The following ALCAM variants were observed in gnomAD, a reference collection of about 807,000 sequenced individuals.
The protein encoded by ALCAM is CD166 antigen.
In ALCAM, 30 loss-of-function variants were observed where a neutral mutation model predicts 70.9. That is an observed-to-expected ratio of 0.42 (90% CI 0.32 to 0.57). ALCAM has a LOEUF of 0.57. Among genes scored for constraint, ALCAM ranks in the 20% least tolerant of loss-of-function variants. The pLI is 0.11. For missense variants in ALCAM, 591 were observed against 695.1 expected, an observed-to-expected ratio of 0.85 and a Z score of 1.68; for synonymous variants, 249 against 242.5, an observed-to-expected ratio of 1.03 and a Z score of -0.25.
intron 14 of ALCAM, among the ~76,000 whole-genome samples, chr3:105,568,582 A>G (rs1377623883): frequency 6.6e-6 from 1 of 152,192 alleles, no homozygotes; most frequent in Admixed American, 6.5e-5. Context: ...TCTCCCACAT[A>G]TGCTATTCAG....
intron 1 of ALCAM, among the ~76,000 whole-genome samples, chr3:105,445,913 T>A (rs1214571611): frequency 6.6e-6 from 1 of 152,124 alleles, no homozygotes; most frequent in Non-Finnish European, 1.5e-5. Flanking sequence ...ATGACATTGG[T>A]CTGGGCAAGG....
chr3:105,437,492 C>G (rs899404288), intron 1 of ALCAM, among the ~76,000 whole-genome samples: 11 of 151,926 alleles, frequency 7.2e-5, no homozygotes, highest in Non-Finnish European at 1.3e-4. Context: ...GACATTTCAT[C>G]CACAATAATT....
chr3:105,428,898 G>A lies in ALCAM; in HGVS notation c.73+61417G>A, dbSNP rs572418269. 2.6e-5 allele frequency among the ~76,000 whole-genome samples: 4 copies of A among 151,976 alleles called. No individual in the cohort carries two copies. The South Asian group carries it at 6.2e-4, about 24-fold the overall frequency. ...ATGAATCCTTAATCTTTATGCCTTAGTATCTTACAATTCTCCATTAACCTT... is the reference window on the plus strand; with the variant it reads ...ATGAATCCTTAATCTTTATGCCTTAATATCTTACAATTCTCCATTAACCTT... On this transcript the variant is annotated intron_variant, in intron 1 of 15. Transcript: ENST00000306107.
At chr3:105,488,463 G>A (rs1463276305) in intron 1 of ALCAM, among the ~76,000 whole-genome samples, 1 of 152,104 alleles carries the variant, frequency 6.6e-6, no homozygotes, top group Non-Finnish European at 1.5e-5. Flanking sequence ...AGGTGGAACT[G>A]TGAGGTACAA....
intron 1 of ALCAM, among the ~76,000 whole-genome samples, chr3:105,453,863 C>T (rs948363608): frequency 2.6e-5 from 4 of 152,152 alleles, no homozygotes; most frequent in African/African-American, 9.7e-5. Flanking sequence ...CATGATTTGG[C>T]TCTCCGCTCG....
intron 2 of ALCAM, among the ~76,000 whole-genome samples, chr3:105,520,414 T>C (rs550783616): frequency 7.0e-4 from 106 of 152,332 alleles, no homozygotes; most frequent in African/African-American, 2.4e-3. Context: ...AGATTCCACC[T>C]TAAGTGTTAG....
intron 1 of ALCAM, among the ~76,000 whole-genome samples, chr3:105,510,525 C>T (rs1158233633): frequency 6.6e-6 from 1 of 151,956 alleles, no homozygotes; most frequent in Admixed American, 6.6e-5. Context: ...AAATAATAAA[C>T]AAAAGTGATG....
chr3:105,393,114 A>G (rs1278221421), intron 1 of ALCAM, among the ~76,000 whole-genome samples: 7 of 151,790 alleles, frequency 4.6e-5, no homozygotes. Flanking sequence ...TAGGCTTGCG[A>G]ATTTTTTTCT....
intron 4 of ALCAM, 75 bp downstream of exon 4, chr3:105,532,141 A>G (rs1939855573): frequency 1.6e-6 from 2 of 1,254,802 alleles, no homozygotes; most frequent in African/African-American, 3.0e-5. Flanking sequence ...ACATTCCAAG[A>G]CAAGTAAGAA....
At chr3:105,559,040 G>A (rs570603639) in intron 14 of ALCAM, among the ~76,000 whole-genome samples, 10 of 151,538 alleles carry the variant, frequency 6.6e-5, no homozygotes, top group Non-Finnish European at 1.2e-4. Context: ...TTCTTCCCAC[G>A]GTAACTTACT....
At chr3:105,419,255 T>A (rs1936584919) in intron 1 of ALCAM, among the ~76,000 whole-genome samples, 2 of 151,804 alleles carry the variant, frequency 1.3e-5, no homozygotes, top group Admixed American at 1.3e-4. Context: ...AAAGAATAAT[T>A]CTGGAATGTC....
intron 1 of ALCAM, among the ~76,000 whole-genome samples, chr3:105,385,406 A>G (rs1182124270): frequency 6.6e-6 from 1 of 151,530 alleles, no homozygotes; most frequent in East Asian, 1.9e-4. Flanking sequence ...TTCAGAGAGG[A>G]AAGAAAGATA....
In ALCAM at chr3:105,367,097, A is replaced by G. The variant is rs1324529981; in HGVS notation, c.-312A>G. The G allele has an allele frequency of 3.3e-6, 1 of 303,638 alleles. No individual in the cohort carries two copies. The highest frequency in any genetic ancestry group is 6.3e-6 in the Non-Finnish European group (1 of 159,394). The allele number at this position is 303,638 out of a possible 1,614,324, so 18.8% of individuals were successfully genotyped here. The stretch of plus-strand genomic sequence containing the variant: ...ATAAAAGAAGATACCAGCGAAAAGA[A>G]CCGCTTACACCTTTCCGAATTACTC... On this transcript the variant is annotated 5_prime_UTR_variant, in exon 1 of 16. Coordinates refer to ENST00000306107, the MANE Select transcript of ALCAM (RefSeq NM_001627.4).
intron 1 of ALCAM, among the ~76,000 whole-genome samples, chr3:105,415,726 T>C (rs1936491978): frequency 6.6e-6 from 1 of 152,096 alleles, no homozygotes; most frequent in Non-Finnish European, 1.5e-5. Context: ...TCCACAGATT[T>C]ATGTCAAAAT....
chr3:105,517,691 C>T (rs138068874), intron 1 of ALCAM, among the ~76,000 whole-genome samples: 20 of 152,212 alleles, frequency 1.3e-4, no homozygotes, highest in African/African-American at 4.1e-4. Context: ...TGTTTCTCCT[C>T]AAGACAGAGC....
chr3:105,470,555 T>G (rs1937897862), intron 1 of ALCAM, among the ~76,000 whole-genome samples: 1 of 151,162 alleles, frequency 6.6e-6, no homozygotes, highest in Non-Finnish European at 1.5e-5. Flanking sequence ...TGGTATAAAG[T>G]TATTATAAGT....
At chr3:105,379,978 G>A (rs1243117625) in intron 1 of ALCAM, among the ~76,000 whole-genome samples, 1 of 151,554 alleles carries the variant, frequency 6.6e-6, no homozygotes, top group Non-Finnish European at 1.5e-5. Flanking sequence ...AATACACCAA[G>A]GCATCAAAAG....
At chr3:105,381,688 A>C (rs908360505) in intron 1 of ALCAM, among the ~76,000 whole-genome samples, 7 of 151,902 alleles carry the variant, frequency 4.6e-5, no homozygotes, top group African/African-American at 1.7e-4. Context: ...ACTTAGGAGT[A>C]TACAAGTGAC....
At chr3:105,524,531 AC>A in intron 3 of ALCAM, 23 bp downstream of exon 3, 10 of 1,613,532 alleles carry the variant, frequency 6.2e-6, no homozygotes, top group Non-Finnish European at 8.5e-6. Flanking sequence ...CAGCAGTGTC[AC>A]TGCTAAGTGG....
Sources: allele counts gnomAD v4.1 joint callset (sites outside exome capture counted in the v4.1 genomes callset), GRCh38; gene constraint gnomAD v4.1.1; transcripts MANE v1.5; gene names NCBI Gene and HGNC (gene_info 2026-07-23, HGNC 2026-07-21).